Variants in SLC16A12 observed in about 807,000 individuals in gnomAD.
The protein encoded by SLC16A12 is solute carrier family 16 member 12.
In SLC16A12, 17 loss-of-function variants were observed where a neutral mutation model predicts 42.4. The ratio of observed to expected loss-of-function variants is 0.40; its 90% CI spans 0.27 to 0.60. The LOEUF is 0.60. Among genes scored for constraint, SLC16A12 ranks in the 20% least tolerant of loss-of-function variants. The pLI is 0.42. For synonymous variants in SLC16A12, 224 were observed against 229.4 expected (o/e 0.98, Z 0.21); for missense variants, 544 against 623.0 (o/e 0.87, Z 1.35).
intron 2 of SLC16A12, among the ~76,000 whole-genome samples, chr10:89,524,602 G>C (rs558741455): frequency 6.6e-6 from 1 of 152,292 alleles, no homozygotes; most frequent in East Asian, 1.9e-4. Context: ...GGCTCTGCAC[G>C]TCCATAGCAG....
intron 2 of SLC16A12, among the ~76,000 whole-genome samples, chr10:89,519,492 G>A (rs1843314645): frequency 6.6e-6 from 1 of 152,076 alleles, no homozygotes; most frequent in Non-Finnish European, 1.5e-5. Flanking sequence ...GTGAGAACCG[G>A]AACTATGAAT....
chr10:89,473,953 T>C (rs1842539348), intron 2 of SLC16A12, among the ~76,000 whole-genome samples: 1 of 152,210 alleles, frequency 6.6e-6, no homozygotes, highest in African/African-American at 2.4e-5. Context: ...TAGCCAAATA[T>C]CAGCCTCACT....
chr10:89,446,364 C>T (rs1308364552), intron 3 of SLC16A12, among the ~76,000 whole-genome samples: 5 of 152,118 alleles, frequency 3.3e-5, no homozygotes, highest in Non-Finnish European at 5.9e-5. Flanking sequence ...AGAGAAAGGT[C>T]GGGTTACCCA....
chr10:89,494,313 G>C lies in SLC16A12; in HGVS notation c.-46-31689C>G, dbSNP rs114503738. Among the ~76,000 whole-genome samples, 337 of 152,282 alleles carry C rather than the reference G, an allele frequency of 2.2e-3. 3 individuals carry two copies. The highest frequency in any genetic ancestry group is 7.7e-3 in the African/African-American group (321 of 41,552). On this transcript the variant is annotated intron_variant, in intron 2 of 7. Transcript: ENST00000371790. ...TGACATTTGGCAGTAAGTTTCAAAC[G>C]TACTCAACTTCTGACCCAATGCTTC...
intron 2 of SLC16A12, among the ~76,000 whole-genome samples, chr10:89,477,564 C>CAAAAAAAAAAA (rs34204051): frequency 2.0e-5 from 1 of 49,258 alleles, no homozygotes; most frequent in Non-Finnish European, 3.8e-5. Flanking sequence ...AACTCTGTCT[C>CAAAAAAAAAAA]AAAAAAAAAA....
At chr10:89,537,875 T>G (rs1843690443), upstream of SLC16A12, among the ~76,000 whole-genome samples, 1 of 152,228 alleles carries the variant, frequency 6.6e-6, no homozygotes, top group South Asian at 2.1e-4. Context: ...GTGTCACTGA[T>G]GTTGTTGTTT....
At chr10:89,477,114 G>A (rs748976908) in intron 2 of SLC16A12, among the ~76,000 whole-genome samples, 23 of 152,182 alleles carry the variant, frequency 1.5e-4, no homozygotes, top group Non-Finnish European at 3.1e-4. Flanking sequence ...GATACGGATG[G>A]TCGTTTTTGT....
intron 2 of SLC16A12, among the ~76,000 whole-genome samples, chr10:89,514,095 T>C (rs925022150): frequency 6.6e-6 from 1 of 152,166 alleles, no homozygotes; most frequent in Non-Finnish European, 1.5e-5. Flanking sequence ...AATGGCGGAT[T>C]CAGATTTGGC....
chr10:89,502,417 C>T (rs1764062759), intron 2 of SLC16A12, among the ~76,000 whole-genome samples: 1 of 151,940 alleles, frequency 6.6e-6, no homozygotes, highest in Non-Finnish European at 1.5e-5. Context: ...GCCATTGCAG[C>T]CCGGGCAACA....
intron 2 of SLC16A12, among the ~76,000 whole-genome samples, chr10:89,494,895 TA>T (rs1842899744): frequency 6.6e-6 from 1 of 152,218 alleles, no homozygotes; most frequent in South Asian, 2.1e-4. Context: ...AACTGGTATT[TA>T]GTCTGTGGAA....
intron 3 of SLC16A12, among the ~76,000 whole-genome samples, chr10:89,445,541 A>G (rs1265809271): frequency 1.3e-5 from 2 of 152,256 alleles, no homozygotes; most frequent in Non-Finnish European, 2.9e-5. Context: ...ACTAACAAAC[A>G]GAAACGAATA....
chr10:89,505,320 C>T (rs1843044678), intron 2 of SLC16A12, among the ~76,000 whole-genome samples: 1 of 152,022 alleles, frequency 6.6e-6, no homozygotes, highest in Admixed American at 6.5e-5. Context: ...GAGGCTGAGG[C>T]AGGAGAATCT....
At chr10:89,534,673 C>CAAAAAAAAAAAAA (rs1196402951) in intron 1 of SLC16A12, 33 bp from the exon 2 acceptor site, 1 of 122,722 alleles carries the variant, frequency 8.1e-6, no homozygotes, top group African/African-American at 3.2e-5. Context: ...AAAAAAAAAT[C>CAAAAAAAAAAAAA]CAAAAATTAG....
At chr10:89,498,371 A>G (rs1228870287) in intron 2 of SLC16A12, among the ~76,000 whole-genome samples, 1 of 152,208 alleles carries the variant, frequency 6.6e-6, no homozygotes, top group Non-Finnish European at 1.5e-5. Flanking sequence ...AGTGCAATTG[A>G]TTGAGATTAA....
chr10:89,471,705 GC>G (rs748937084), intron 2 of SLC16A12, among the ~76,000 whole-genome samples: 9 of 152,156 alleles, frequency 5.9e-5, no homozygotes, highest in Non-Finnish European at 1.2e-4. Flanking sequence ...AGAAGGAGGT[GC>G]CAAACTTGTT....
At chr10:89,519,588 C>G (rs1247191229) in intron 2 of SLC16A12, among the ~76,000 whole-genome samples, 3 of 151,928 alleles carry the variant, frequency 2.0e-5, no homozygotes, top group Admixed American at 2.0e-4. Flanking sequence ...GAACTCACAC[C>G]AGGGCGAGGA....
intron 2 of SLC16A12, among the ~76,000 whole-genome samples, chr10:89,532,089 C>T (rs1843564477): frequency 6.6e-6 from 1 of 152,222 alleles, no homozygotes; most frequent in Non-Finnish European, 1.5e-5. Flanking sequence ...AGTCTTCACA[C>T]AAATCCTTAT....
At chr10:89,528,192 C>T (rs1257151397) in intron 2 of SLC16A12, among the ~76,000 whole-genome samples, 2 of 152,110 alleles carry the variant, frequency 1.3e-5, no homozygotes, top group African/African-American at 4.8e-5. Context: ...CAAAGAGAGA[C>T]CCTGTCCCAA....
chr10:89,496,536 T>C (rs771555956), intron 2 of SLC16A12, among the ~76,000 whole-genome samples: 17 of 152,070 alleles, frequency 1.1e-4, no homozygotes, highest in Non-Finnish European at 7.4e-5. Flanking sequence ...ATGAAAGAAA[T>C]GCTATAAAAA....
Sources: gnomAD v4.1 joint callset for allele counts (sites outside exome capture counted in the v4.1 genomes callset) on GRCh38, gnomAD v4.1.1 for gene constraint, MANE v1.5 for transcripts, NCBI Gene and HGNC (gene_info 2026-07-23, HGNC 2026-07-21) for gene names.